SLC22A12: variants seen among roughly 807,000 people sequenced by gnomAD.
SLC22A12 encodes the protein solute carrier family 22 member 12.
A neutral mutation model predicts 52.7 loss-of-function variants in SLC22A12; 56 were observed. The observed-to-expected ratio is 1.06, with a 90% CI of 0.86 to 1.33. The LOEUF is 1.33. Ranked by LOEUF, SLC22A12 falls within the 40% of genes most tolerant of loss-of-function variation. The probability of loss-of-function intolerance (pLI) is 0.00; values close to 1 mark genes in which losing one functional copy is unlikely to be tolerated. For synonymous variants in SLC22A12, 337 were observed against 324.6 expected, an observed-to-expected ratio of 1.04 and a Z score of -0.41; for missense variants, 683 against 741.5, an observed-to-expected ratio of 0.92 and a Z score of 0.92.
At position 64,599,906 on chromosome 11, in the gene SLC22A12, T is replaced by C; in HGVS notation, c.1285+16T>C. The C allele has an allele frequency of 6.2e-7, 1 of 1,610,216 alleles. No homozygotes were observed. Among genetic ancestry groups the C allele is most frequent in the Non-Finnish European group, 8.5e-7 (1 of 1,178,726 alleles). ...GTGCCCCACGGTGAGGGGGCAAAGC[T>C]GTACACCAGAGACTTCCCTACCTTG... On this transcript the variant is annotated intron_variant, in intron 7 of 9. Coordinates refer to ENST00000377574, the MANE Select transcript of SLC22A12 (RefSeq NM_144585.4).
At position 64,598,618 on chromosome 11, in the gene SLC22A12, G is replaced by A. The variant is rs895245201; in HGVS notation, c.933G>A (p.Val311=). ...RVAAINGKGA[V]QDTLTPEVLL... The stretch of plus-strand genomic sequence containing the variant: ...CTGCCATCAACGGAAAGGGGGCAGT[G>A]CAGGACACCCTGACCCCTGAGGTAA... Residue 311 remains valine (V), a synonymous_variant, in exon 5 of 10, where the codon GTG becomes GTA. Transcript: ENST00000377574. 2 of 1,611,050 alleles carry A rather than the reference G, an allele frequency of 1.2e-6. No homozygotes were observed. Among genetic ancestry groups the A allele is most frequent in the African/African-American group, 1.3e-5 (1 of 74,866 alleles).
chr11:64,595,359 A>T (rs867921945), intron 4 of SLC22A12, among the ~76,000 whole-genome samples: 16 of 24,042 alleles, frequency 6.7e-4, no homozygotes, highest in Non-Finnish European at 6.9e-4. Flanking sequence ...GAATGGATGG[A>T]TGGATGGATG....
In SLC22A12 at chr11:64,600,787, G is replaced by A. The variant is rs1479277452; in HGVS notation, c.1447G>A (p.Gly483Arg). 1.2e-6 allele frequency: 2 copies of A among 1,605,830 alleles called. No homozygotes were observed. Among genetic ancestry groups the A allele is most frequent in the Admixed American group, 3.3e-5 (2 of 60,030 alleles). Residue 483 changes from glycine (G) to arginine (R), a missense_variant, in exon 9 of 10, where the codon GGG becomes AGG. By Grantham distance (125) the Gly-to-Arg change is moderately radical. Transcript: ENST00000377574. ...GGCAGCCCGTGGAGGAGCCATCCTG[G>A]GGCCTCTGGTCCGGCTGCTGGGTGT... ...QMAARGGAIL[G>R]PLVRLLGVHG...
Position 64,598,630 on chromosome 11 carries a change from G to A in SLC22A12, c.945G>A (p.Leu315=). ...INGKGAVQDT[L]TPEVLLSAMR... ...GAAAGGGGGCAGTGCAGGACACCCTGACCCCTGAGGTAAGGCTGGGTCCTC... is the reference window on the plus strand; with the variant it reads ...GAAAGGGGGCAGTGCAGGACACCCTAACCCCTGAGGTAAGGCTGGGTCCTC... Residue 315 remains leucine (L), a synonymous_variant, in exon 5 of 10, where the codon CTG becomes CTA. Transcript: ENST00000377574. 6.2e-7 allele frequency: 1 copy of A among 1,610,762 alleles called. No individual in the cohort carries two copies. The highest frequency in any genetic ancestry group is 8.5e-7 in the Non-Finnish European group (1 of 1,179,072).
intron 4 of SLC22A12, among the ~76,000 whole-genome samples, chr11:64,597,428 TCTC>T: frequency 6.6e-6 from 1 of 151,976 alleles, no homozygotes; most frequent in East Asian, 1.9e-4. Context: ...CCCACACACA[TCTC>T]CTTAGACCTC....
Position 64,600,199 on chromosome 11 carries a change from T to C in SLC22A12, c.1286-168T>C, listed in dbSNP as rs528330015. Among the ~76,000 whole-genome samples the C allele has an allele frequency of 2.0e-5, 3 of 152,038 alleles. No homozygotes were observed. The South Asian group carries it at 6.2e-4, about 32-fold the overall frequency. On this transcript the variant is annotated intron_variant, in intron 7 of 9. Coordinates refer to ENST00000377574, the MANE Select transcript of SLC22A12 (RefSeq NM_144585.4). ...TCTGGGTGTCTGAGCGTGGAGCAGA[T>C]TGTGGGTGTGGCCATGAGGCCACTC...
rs2039329434 is a variant in SLC22A12, at chr11:64,598,555, C to T, written c.870C>T (p.Gly290=). 5 of 1,602,778 alleles carry T rather than the reference C, an allele frequency of 3.1e-6. No individual in the cohort carries two copies. Among genetic ancestry groups the T allele is most frequent in the Non-Finnish European group, 3.4e-6 (4 of 1,175,978 alleles). Residue 290 remains glycine, a synonymous_variant, in exon 5 of 10, where the codon GGC becomes GGT. Coordinates refer to ENST00000377574, the MANE Select transcript of SLC22A12 (RefSeq NM_144585.4). ...CGGCACGATGGCTCCTCACCACAGG[C>T]AGGCTGGATTGGGGCCTGCAGGAGC... ...AESARWLLTT[G]RLDWGLQELW... is the part of the protein sequence containing the mutation.
intron 4 of SLC22A12, among the ~76,000 whole-genome samples, chr11:64,597,917 C>T (rs2039304478): frequency 6.6e-6 from 1 of 152,112 alleles, no homozygotes; most frequent in African/African-American, 2.4e-5. Context: ...TGCGAGGGGT[C>T]CTGGAGGTGT....
At chr11:64,593,292 G>C in intron 2 of SLC22A12, 113 bp from the exon 3 acceptor site, 2 of 1,532,048 alleles carry the variant, frequency 1.3e-6, no homozygotes, top group Non-Finnish European at 1.8e-6. Flanking sequence ...TGCCGCTTCA[G>C]TGTCCGCCTC....
rs1177698687 is a variant in SLC22A12 at position 64,591,864 on chromosome 11, C to A, written c.308C>A (p.Ala103Asp). ...QPQWQLLDPNATATSWSEADT... is the reference protein window; with the variant it reads ...QPQWQLLDPNDTATSWSEADT... ...CAGTGGCAGCTCTTGGACCCCAATG[C>A]CACGGCCACCAGCTGGAGCGAGGCC... The change falls in exon 1 of 10, where the codon GCC becomes GAC. Residue 103 changes from alanine to aspartate, a missense_variant. Transcript: ENST00000377574. The A allele has an allele frequency of 2.9e-5, 46 of 1,612,366 alleles. No individual in the cohort carries two copies. The highest frequency in any genetic ancestry group is 3.9e-5 in the Non-Finnish European group (46 of 1,180,034).
chr11:64,602,068 G>C lies in SLC22A12; in HGVS notation c.*517G>C, dbSNP rs476037. 9.8e-6 allele frequency: 2 copies of C among 203,508 alleles called. No homozygotes were observed. Among genetic ancestry groups the C allele is most frequent in the Non-Finnish European group, 2.0e-5 (2 of 99,468 alleles). The allele number at this position is 203,508 out of a possible 1,614,324, so 12.6% of individuals were successfully genotyped here. ...CCCTCCAGGCCTCAGCCACCTGCCC[G>C]CCACATCCTCTGCCTGCTGTCCCCT... On this transcript the variant is annotated 3_prime_UTR_variant, in exon 10 of 10. Coordinates refer to ENST00000377574, the MANE Select transcript of SLC22A12 (RefSeq NM_144585.4).
rs753245852 is a variant in SLC22A12 at position 64,599,753 on chromosome 11, T to A, written c.1148T>A (p.Met383Lys). The change falls in exon 7 of 10, where the codon ATG (methionine) becomes AAG (lysine). Residue 383 changes from methionine (M) to lysine (K), a missense_variant. Transcript: ENST00000377574. ...GGCAGCAACATCTTCCTGCTCCAAATGTTCATTGGTGTCGTGGACATCCCA... is the reference window on the plus strand; with the variant it reads ...GGCAGCAACATCTTCCTGCTCCAAAAGTTCATTGGTGTCGTGGACATCCCA... ...ALGSNIFLLQ[M>K]FIGVVDIPAK... is the part of the protein sequence containing the mutation. 2 of 1,612,116 alleles carry A rather than the reference T, an allele frequency of 1.2e-6. No individual in the cohort carries two copies. Among genetic ancestry groups the A allele is most frequent in the East Asian group, 2.2e-5 (1 of 44,782 alleles).
At chr11:64,597,045 C>T (rs2039269115) in intron 4 of SLC22A12, among the ~76,000 whole-genome samples, 1 of 152,206 alleles carries the variant, frequency 6.6e-6, no homozygotes, top group Admixed American at 6.5e-5. Flanking sequence ...TAGGGAATCC[C>T]ACACATCGTG....
rs1233260388 is a variant in SLC22A12, at chr11:64,592,784, C to T, written c.408C>T (p.Asn136=). 2 of 1,613,350 alleles carry T rather than the reference C, an allele frequency of 1.2e-6. No individual in the cohort carries two copies. Among genetic ancestry groups the T allele is most frequent in the East Asian group, 2.2e-5 (1 of 44,880 alleles). The stretch of plus-strand genomic sequence containing the variant: ...GCCTCCTCCTCTCCCATCAGTGGAA[C>T]CTCGTGTGTGACTCTCATGCTCTGA... The part of the protein sequence containing the change: ...IFTSTIVAKW[N]LVCDSHALKP... Residue 136 remains asparagine (N), a synonymous_variant, in exon 2 of 10, where the codon AAC becomes AAT. Coordinates refer to ENST00000377574, the MANE Select transcript of SLC22A12 (RefSeq NM_144585.4).
chr11:64,592,652 TA>T, intron 1 of SLC22A12, 126 bp from the exon 2 acceptor site: 3 of 803,158 alleles, frequency 3.7e-6, no homozygotes, highest in Non-Finnish European at 6.6e-6. Flanking sequence ...GGTCTTGCTC[TA>T]AAACCCTAGA....
chr11:64,600,496 C>T (rs770193373), intron 8 of SLC22A12, 21 bp downstream of exon 8: 1 of 1,575,076 alleles, frequency 6.3e-7, no homozygotes, highest in Non-Finnish European at 8.6e-7. Context: ...GCCTGGGCTC[C>T]AGGAGAGGGG....
rs1347197929 is a variant in SLC22A12 at position 64,591,277 on chromosome 11, C to G, written c.-280C>G. 1 of 496,174 alleles carries G rather than the reference C, an allele frequency of 2.0e-6. No individual in the cohort carries two copies. The highest frequency in any genetic ancestry group is 3.6e-6 in the Non-Finnish European group (1 of 278,522). The allele number at this position is 496,174 out of a possible 1,614,324, so 30.7% of individuals were successfully genotyped here. On this transcript the variant is annotated 5_prime_UTR_variant, in exon 1 of 10. Coordinates refer to ENST00000377574, the MANE Select transcript of SLC22A12 (RefSeq NM_144585.4). ...CCCTACTTTCCAAATTCAGCTTTCCCGGGAGGTCTGGAGCAGCTGCCTCTC... is the reference window on the plus strand; with the variant it reads ...CCCTACTTTCCAAATTCAGCTTTCCGGGGAGGTCTGGAGCAGCTGCCTCTC...
At position 64,598,539 on chromosome 11, in the gene SLC22A12, G is replaced by T. The variant is rs1283435493; in HGVS notation, c.854G>T (p.Trp285Leu). Reference sequence around the variant, plus strand: ...AGGTGGCTGGCAGAGTCGGCACGATGGCTCCTCACCACAGGCAGGCTGGAT... The same window carrying T: ...AGGTGGCTGGCAGAGTCGGCACGATTGCTCCTCACCACAGGCAGGCTGGAT... ...YSWWLAESAR[W>L]LLTTGRLDWG... Residue 285 changes from tryptophan (W) to leucine (L), a missense_variant, in exon 5 of 10, where the codon TGG (tryptophan) becomes TTG (leucine). Trp to Leu is a moderately conservative substitution (Grantham distance 61). Transcript: ENST00000377574. 1 of 1,594,264 alleles carries T rather than the reference G, an allele frequency of 6.3e-7. No individual in the cohort carries two copies. Among genetic ancestry groups the T allele is most frequent in the Non-Finnish European group, 8.5e-7 (1 of 1,171,856 alleles).
In SLC22A12 at chr11:64,592,860, G is replaced by T. The variant is rs753066528; in HGVS notation, c.484G>T (p.Ala162Ser). 5.6e-6 allele frequency: 9 copies of T among 1,613,784 alleles called. No individual in the cohort carries two copies. In the African/African-American group the frequency reaches 1.2e-4, roughly 22 times the overall value. Residue 162 changes from alanine to serine, a missense_variant, in exon 2 of 10, where the codon GCG becomes TCG. Coordinates refer to ENST00000377574, the MANE Select transcript of SLC22A12 (RefSeq NM_144585.4). ...YLAGILVGAA[A>S]CGPASDRFGR... ...GGCTGGGATTCTGGTGGGAGCTGCTGCGTGCGGCCCTGCCTCAGACAGGTG... is the reference window on the plus strand; with the variant it reads ...GGCTGGGATTCTGGTGGGAGCTGCTTCGTGCGGCCCTGCCTCAGACAGGTG...
Sources: gnomAD v4.1 joint callset for allele counts (sites outside exome capture counted in the v4.1 genomes callset) on GRCh38, gnomAD v4.1.1 for gene constraint, MANE v1.5 for transcripts, NCBI Gene and HGNC (gene_info 2026-07-23, HGNC 2026-07-21) for gene names.